Variants in AKAP12 observed in about 807,000 individuals in gnomAD.
AKAP12 encodes A-kinase anchoring protein 12.
In AKAP12, 32 loss-of-function variants were observed where a neutral mutation model predicts 79.9. The observed-to-expected ratio is 0.40, with a 90% CI of 0.30 to 0.54. AKAP12 has a LOEUF of 0.54. Ranked by LOEUF, AKAP12 falls within the 20% of genes least tolerant of loss-of-function variation. AKAP12 has a pLI of 0.48. For missense variants in AKAP12, 2,074 were observed against 2,177.0 expected, an observed-to-expected ratio of 0.95 and a Z score of 0.94; for synonymous variants, 808 against 857.0, an observed-to-expected ratio of 0.94 and a Z score of 1.00.
chr6:151,332,185 C>T (rs189159368), intron 3 of AKAP12, among the ~76,000 whole-genome samples: 20 of 151,820 alleles, frequency 1.3e-4, no homozygotes, highest in African/African-American at 4.6e-4. Flanking sequence ...TACAGGCGCC[C>T]GCCACCACAT....
Position 151,350,473 on chromosome 6 carries a change from A to ATCT in AKAP12, c.2082_2083insTCT (p.Arg694_Gly695insSer). ...GATCATCCAAGAAAAGAGCAAGGAG[A>ATCT]GGGTCCTCTTCTGATGAGGAAGGGG... On this transcript the variant is annotated inframe_insertion, in exon 4 of 5. Transcript: ENST00000402676. This position sits in a 1 kb window ranked among gnomAD's most constrained non-coding sequence, Gnocchi z 4.8. 1 of 1,614,118 alleles carries ATCT rather than the reference A, an allele frequency of 6.2e-7. No individual in the cohort carries two copies. The highest frequency in any genetic ancestry group is 8.5e-7 in the Non-Finnish European group (1 of 1,180,020).
chr6:151,277,966 GTGTGTGTC>G (rs751248208), intron 2 of AKAP12, among the ~76,000 whole-genome samples: 249 of 119,650 alleles, frequency 2.1e-3, no homozygotes, highest in African/African-American at 7.3e-3. Flanking sequence ...GTGTGTGTGT[GTGTGTGTC>G]TGTCTGTTTA....
chr6:151,263,639 C>T (rs1407601837), intron 2 of AKAP12, among the ~76,000 whole-genome samples: 1 of 152,078 alleles, frequency 6.6e-6, no homozygotes, highest in East Asian at 1.9e-4. Context: ...AGTGCAATGG[C>T]GTGATCTCTG....
At chr6:151,241,826 CA>C (rs59482970) in intron 2 of AKAP12, among the ~76,000 whole-genome samples, 2,366 of 123,868 alleles carry the variant, frequency 0.019, 12 homozygotes, top group African/African-American at 0.028. Flanking sequence ...TTACAATATG[CA>C]AAAAAAAAAA....
intron 2 of AKAP12, among the ~76,000 whole-genome samples, chr6:151,298,406 A>G (rs558104089): frequency 5.3e-5 from 8 of 152,224 alleles, no homozygotes; most frequent in Non-Finnish European, 1.2e-4. Flanking sequence ...AACAAATAGT[A>G]TAACAAAGAC....
At chr6:151,274,633 CAAAA>C (rs1233019883) in intron 2 of AKAP12, among the ~76,000 whole-genome samples, 2 of 151,970 alleles carry the variant, frequency 1.3e-5, no homozygotes, top group African/African-American at 4.8e-5. Flanking sequence ...AAAAATATAA[CAAAA>C]AATAGAAGTT....
intron 3 of AKAP12, chr6:151,325,723 C>T: frequency 5.2e-6 from 8 of 1,526,662 alleles, no homozygotes; most frequent in Non-Finnish European, 6.2e-6. Flanking sequence ...CTCCCCCATC[C>T]TCCGGGAGTG....
At chr6:151,307,938 T>TA (rs1777010284) in intron 3 of AKAP12, among the ~76,000 whole-genome samples, 1 of 151,804 alleles carries the variant, frequency 6.6e-6, no homozygotes, top group Non-Finnish European at 1.5e-5. Context: ...GAGCTCGGCT[T>TA]ACTGCAACAT....
intron 2 of AKAP12, among the ~76,000 whole-genome samples, chr6:151,266,479 G>T (rs1163639303): frequency 6.6e-6 from 1 of 152,170 alleles, no homozygotes; most frequent in African/African-American, 2.4e-5. Context: ...GACAGAGGAG[G>T]GAGGAGTCTA....
chr6:151,312,562 T>C (rs774279683), intron 3 of AKAP12, among the ~76,000 whole-genome samples: 27 of 151,418 alleles, frequency 1.8e-4, no homozygotes, highest in Non-Finnish European at 3.4e-4. Flanking sequence ...GAGGCCGAGG[T>C]GGGCGGATCA....
Position 151,352,509 on chromosome 6 carries a change from A to C in AKAP12, c.4118A>C (p.Gln1373Pro). Residue 1373 changes from glutamine (Q) to proline (P), a missense_variant, in exon 4 of 5, where the codon CAG becomes CCG. By Grantham distance (76) the Gln-to-Pro change is moderately conservative (BLOSUM62 -1). Around this residue, in one of 3 missense-constraint regions of AKAP12, gnomAD observed 614 missense variants for 665.6 expected, o/e 0.92. Transcript: ENST00000402676. ...AVTVSEEVSKQLLQTVNVPII... is the reference protein window; with the variant it reads ...AVTVSEEVSKPLLQTVNVPII... ...ACCGTATCTGAAGAGGTCAGTAAGC[A>C]GCTCCTCCAGACAGTGAATGTGCCC... 1 of 1,614,244 alleles carries C rather than the reference A, an allele frequency of 6.2e-7. No individual in the cohort carries two copies. Among genetic ancestry groups the C allele is most frequent in the Non-Finnish European group, 8.5e-7 (1 of 1,180,044 alleles).
intron 2 of AKAP12, among the ~76,000 whole-genome samples, chr6:151,272,501 A>AGAT (rs1305407672): frequency 1.4e-5 from 2 of 138,832 alleles, no homozygotes; most frequent in African/African-American, 5.8e-5. Flanking sequence ...GATGATAGAT[A>AGAT]GATAGATAGA....
At chr6:151,266,550 C>G (rs182640796) in intron 2 of AKAP12, among the ~76,000 whole-genome samples, 1 of 152,252 alleles carries the variant, frequency 6.6e-6, no homozygotes, top group East Asian at 1.9e-4. Context: ...TTTAGAAGAT[C>G]GAATTATAAA....
At chr6:151,333,464 T>G (rs779622954) in intron 3 of AKAP12, among the ~76,000 whole-genome samples, 20 of 152,132 alleles carry the variant, frequency 1.3e-4, no homozygotes, top group Non-Finnish European at 2.4e-4. Flanking sequence ...AAAAATACTT[T>G]CTCAGGCCGG....
chr6:151,354,565 G>T (rs1427028511), intron 4 of AKAP12, among the ~76,000 whole-genome samples: 4 of 150,318 alleles, frequency 2.7e-5, no homozygotes, highest in South Asian at 2.2e-4. Flanking sequence ...AGTAGAGATG[G>T]GTTTTCACCG....
chr6:151,260,138 A>G (rs1223701899), intron 2 of AKAP12, among the ~76,000 whole-genome samples: 2 of 152,252 alleles, frequency 1.3e-5, no homozygotes, highest in East Asian at 3.9e-4. Flanking sequence ...GCTAACGTTT[A>G]TTGGGTTTGA....
chr6:151,348,680 T>TCCCTCC, intron 3 of AKAP12, 31 bp from the exon 4 acceptor site: 1 of 355,200 alleles, frequency 2.8e-6, no homozygotes, highest in East Asian at 5.8e-5. Context: ...TTTTCTCTTC[T>TCCCTCC]CCCCACCCCC....
At chr6:151,302,795 T>C (rs1776889918) in intron 2 of AKAP12, among the ~76,000 whole-genome samples, 1 of 152,202 alleles carries the variant, frequency 6.6e-6, no homozygotes, top group Admixed American at 6.5e-5. Context: ...TGGGTTACCA[T>C]GTAGCCCACG....
intron 2 of AKAP12, among the ~76,000 whole-genome samples, chr6:151,252,732 GAAAAAAAAAA>G (rs1185564468): frequency 3.1e-5 from 3 of 95,822 alleles, no homozygotes; most frequent in South Asian, 3.6e-4. Context: ...CTGTCTCTGG[GAAAAAAAAAA>G]AAAAAAAAAA....
Sources: allele counts gnomAD v4.1 joint callset (sites outside exome capture counted in the v4.1 genomes callset), GRCh38; gene constraint gnomAD v4.1.1; regional missense constraint gnomAD v4.1.1; non-coding constraint Gnocchi (gnomAD v3.1); transcripts MANE v1.5; gene names NCBI Gene and HGNC (gene_info 2026-07-23, HGNC 2026-07-21).